The following ARID4A variants were observed in gnomAD, a reference collection of about 807,000 sequenced individuals.
ARID4A encodes the protein AT-rich interactive domain-containing protein 4A.
ARID4A carries 39 observed loss-of-function variants against 148.6 expected under a neutral mutation model. That is an observed-to-expected ratio of 0.26 (90% confidence interval 0.20 to 0.34). ARID4A has a LOEUF of 0.34. ARID4A is among the 10% of genes least tolerant of loss of function. The pLI is 1.00. For missense variants in ARID4A, 1,265 were observed against 1,449.1 expected, an observed-to-expected ratio of 0.87 and a Z score of 2.06; for synonymous variants, 475 against 481.2, an observed-to-expected ratio of 0.99 and a Z score of 0.17.
chr14:58,307,996 G>T (rs977607422), intron 5 of ARID4A, among the ~76,000 whole-genome samples: 6 of 65,092 alleles, frequency 9.2e-5, no homozygotes, highest in African/African-American at 4.5e-4. Flanking sequence ...TATAAAGGTT[G>T]TACTCACTTT....
intron 11 of ARID4A, among the ~76,000 whole-genome samples, chr14:58,339,052 C>T (rs1056670578): frequency 1.4e-5 from 2 of 148,136 alleles, no homozygotes; most frequent in Non-Finnish European, 3.0e-5. Flanking sequence ...GCAGCCTCAA[C>T]TTTCCAGGCT....
intron 16 of ARID4A, chr14:58,351,568 C>T: frequency 2.9e-6 from 1 of 345,978 alleles, no homozygotes; most frequent in Non-Finnish European, 5.2e-6. Context: ...GGCTGCGCCA[C>T]CCAGTCAAAA....
chr14:58,358,223 C>T (rs898505799), intron 17 of ARID4A, among the ~76,000 whole-genome samples: 3 of 152,132 alleles, frequency 2.0e-5, no homozygotes, highest in Non-Finnish European at 2.9e-5. Context: ...AATCCCAGCA[C>T]TTTGGGAGAC....
chr14:58,365,018 G>T lies in ARID4A; in HGVS notation c.2929G>T (p.Asp977Tyr). The T allele has an allele frequency of 1.2e-6, 2 of 1,614,124 alleles. No individual in the cohort carries two copies. Among genetic ancestry groups the T allele is most frequent in the Non-Finnish European group, 1.7e-6 (2 of 1,180,014 alleles). The change falls in exon 20 of 24, where the codon GAT (aspartate) becomes TAT (tyrosine). Residue 977 changes from aspartate (D) to tyrosine (Y), a missense_variant. This residue lies in a region of ARID4A where 666 missense variants were observed against 730.9 expected (regional missense o/e 0.91). Coordinates refer to ENST00000355431, the MANE Select transcript of ARID4A (RefSeq NM_002892.4). ...LDEKDKTSIE[D>Y]VAVESSESNS... is the part of the protein sequence containing the mutation. ...TGAAAAGGATAAGACCAGCATTGAG[G>T]ATGTAGCAGTTGAAAGCTCTGAGTC... is the stretch of plus-strand genomic sequence containing the variant.
Position 58,363,891 on chromosome 14 carries a change from C to G in ARID4A, c.2081-279C>G, listed in dbSNP as rs544002227. Among the ~76,000 whole-genome samples the G allele has an allele frequency of 3.9e-5, 6 of 152,092 alleles. 1 individual carries two copies. The highest frequency in any genetic ancestry group is 3.9e-4 in the Admixed American group (6 of 15,280). On this transcript the variant is annotated intron_variant, in intron 19 of 23. Coordinates refer to ENST00000355431, the MANE Select transcript of ARID4A (RefSeq NM_002892.4). Reference sequence around the variant, plus strand: ...TTGATCTTTTTTAAGGACTATTGTACCTAAATATGATACTGGGGAATGTTG... The same window carrying G: ...TTGATCTTTTTTAAGGACTATTGTAGCTAAATATGATACTGGGGAATGTTG...
At chr14:58,320,544 T>C (rs1235178876) in intron 7 of ARID4A, among the ~76,000 whole-genome samples, 1 of 152,020 alleles carries the variant, frequency 6.6e-6, no homozygotes, top group African/African-American at 2.4e-5. Flanking sequence ...ATATGGTTCT[T>C]GAGTCTCCTT....
rs759724461 is a variant in ARID4A, at chr14:58,347,719, A to C, written c.1245A>C (p.Pro415=). 5.0e-6 allele frequency: 8 copies of C among 1,613,888 alleles called. No homozygotes were observed. Among genetic ancestry groups the C allele is most frequent in the Non-Finnish European group, 6.8e-6 (8 of 1,179,940 alleles). ...TCAGAACTGTTCATCACCATGAACC[A>C]AAAGTAAAAGAGGAAAAAAAAGACT... The part of the protein sequence containing the change: ...IQFRTVHHHE[P]KVKEEKKDLE... The change falls in exon 15 of 24, where the codon CCA becomes CCC. Residue 415 remains proline (P), a synonymous_variant. Coordinates refer to ENST00000355431, the MANE Select transcript of ARID4A (RefSeq NM_002892.4).
intron 22 of ARID4A, 116 bp from the exon 23 acceptor site, chr14:58,366,767 G>T: frequency 5.1e-6 from 4 of 782,496 alleles, no homozygotes; most frequent in Non-Finnish European, 7.8e-6. Flanking sequence ...TACTGTAGGA[G>T]ATTTTAATAA....
In ARID4A at chr14:58,318,820, A is replaced by G. The variant is rs779117551; in HGVS notation, c.449+15A>G. The G allele has an allele frequency of 6.3e-6, 10 of 1,578,986 alleles. No individual in the cohort carries two copies. The East Asian group carries it at 1.3e-4, about 21-fold the overall frequency. ...TCTCTTCCTGTGTGAGTTTTTTCAT[A>G]TATGGTATCATTTTAATTACAATTA... On this transcript the variant is annotated intron_variant, in intron 7 of 23. Coordinates refer to ENST00000355431, the MANE Select transcript of ARID4A (RefSeq NM_002892.4).
intron 7 of ARID4A, among the ~76,000 whole-genome samples, chr14:58,320,599 CTTTTTTT>C (rs778275420): frequency 7.8e-6 from 1 of 127,586 alleles, no homozygotes; most frequent in Non-Finnish European, 1.7e-5. Flanking sequence ...ATGACATTGA[CTTTTTTT>C]TTTTTTTTTT....
intron 5 of ARID4A, 59 bp downstream of exon 5, chr14:58,306,171 T>G (rs2031583106): frequency 8.5e-7 from 1 of 1,173,516 alleles, no homozygotes; most frequent in Non-Finnish European, 1.3e-6. Context: ...ATCTGTGTTT[T>G]GTGGATACAC....
At chr14:58,338,528 C>T (rs924091803) in intron 11 of ARID4A, among the ~76,000 whole-genome samples, 1 of 151,924 alleles carries the variant, frequency 6.6e-6, no homozygotes, top group African/African-American at 2.4e-5. Context: ...GGGATTCTTC[C>T]TGCTGCCTTC....
intron 5 of ARID4A, among the ~76,000 whole-genome samples, chr14:58,310,198 T>C (rs1331192245): frequency 6.6e-6 from 1 of 152,168 alleles, no homozygotes; most frequent in East Asian, 1.9e-4. Flanking sequence ...TTCTTAAATT[T>C]TCAGATTCCT....
At chr14:58,361,645 T>A (rs1171878504) in intron 19 of ARID4A, among the ~76,000 whole-genome samples, 1 of 152,200 alleles carries the variant, frequency 6.6e-6, no homozygotes, top group Non-Finnish European at 1.5e-5. Flanking sequence ...TATCAGCTGC[T>A]AAACAACAGC....
intron 2 of ARID4A, among the ~76,000 whole-genome samples, chr14:58,301,040 C>T (rs1454058747): frequency 1.3e-5 from 2 of 152,204 alleles, no homozygotes; most frequent in African/African-American, 4.8e-5. Flanking sequence ...TATCTGCATT[C>T]ATCGGCTGAA....
At position 58,301,664 on chromosome 14, in the gene ARID4A, A is replaced by C; in HGVS notation, c.91A>C (p.Thr31Pro). ...RGAFCEAKIK[T>P]VKRLVKVKVL... is the part of the protein sequence containing the mutation. ...TGCCTTCTGTGAGGCAAAGATTAAG[A>C]CTGTGAAAAGGCTGGTGAAAGTTAA... Residue 31 changes from threonine to proline, a missense_variant, in exon 3 of 24, where the codon ACT (threonine) becomes CCT (proline). This residue lies in a region of ARID4A where 22 missense variants were observed against 43.8 expected (regional missense o/e 0.50). Transcript: ENST00000355431. 6.2e-7 allele frequency: 1 copy of C among 1,613,828 alleles called. No homozygotes were observed. Among genetic ancestry groups the C allele is most frequent in the Non-Finnish European group, 8.5e-7 (1 of 1,179,820 alleles).
intron 16 of ARID4A, 105 bp downstream of exon 16, chr14:58,351,428 C>G (rs1181156658): frequency 2.8e-6 from 4 of 1,411,564 alleles, no homozygotes; most frequent in Non-Finnish European, 3.8e-6. Context: ...CTTATTGGGA[C>G]TTCCGTTCCT....
intron 4 of ARID4A, among the ~76,000 whole-genome samples, chr14:58,305,608 A>G (rs2031541342): frequency 1.3e-5 from 2 of 152,200 alleles, no homozygotes. Flanking sequence ...GCTGAATCCA[A>G]TATTCACTAT....
At chr14:58,334,278 TTGA>T (rs2033686046) in intron 11 of ARID4A, among the ~76,000 whole-genome samples, 1 of 152,206 alleles carries the variant, frequency 6.6e-6, no homozygotes, top group South Asian at 2.1e-4. Flanking sequence ...AAATGACATC[TTGA>T]TGATTAAAAT....
Sources: allele counts gnomAD v4.1 joint callset (sites outside exome capture counted in the v4.1 genomes callset), GRCh38; gene constraint gnomAD v4.1.1; regional missense constraint gnomAD v4.1.1; transcripts MANE v1.5; gene names NCBI Gene and HGNC (gene_info 2026-07-23, HGNC 2026-07-21).